GRIP1: variants seen among roughly 807,000 people sequenced by gnomAD.
GRIP1 encodes the protein glutamate receptor interacting protein 1.
Under a neutral mutation model 129.9 loss-of-function variants are expected in GRIP1, and 45 were observed. The ratio of observed to expected loss-of-function variants is 0.35; its 90% CI spans 0.27 to 0.44. GRIP1 has a LOEUF of 0.44. Among genes scored for constraint, GRIP1 ranks in the 20% least tolerant of loss-of-function variants. The pLI, the probability that GRIP1 is intolerant of heterozygous loss-of-function variation, is 1.00. For missense variants in GRIP1, 1,196 were observed against 1,396.8 expected, an observed-to-expected ratio of 0.86 and a Z score of 2.29; for synonymous variants, 530 against 520.8, an observed-to-expected ratio of 1.02 and a Z score of -0.24.
At chr12:66,763,970 AGCCT>A (rs1259395868) in intron 1 of GRIP1, among the ~76,000 whole-genome samples, 1 of 152,220 alleles carries the variant, frequency 6.6e-6, no homozygotes, top group Non-Finnish European at 1.5e-5. Flanking sequence ...AGGCAAATGC[AGCCT>A]GCCATGGACA....
At chr12:66,992,153 C>T (rs1286058901) in intron 1 of GRIP1, among the ~76,000 whole-genome samples, 1 of 151,854 alleles carries the variant, frequency 6.6e-6, no homozygotes, top group Non-Finnish European at 1.5e-5. Context: ...GAAACAATTG[C>T]AAAAAATTAA....
At chr12:67,000,306 C>T (rs1197496910) in intron 1 of GRIP1, among the ~76,000 whole-genome samples, 1 of 151,886 alleles carries the variant, frequency 6.6e-6, no homozygotes, top group African/African-American at 2.4e-5. Flanking sequence ...TCAAAGAATA[C>T]CATGTTTCTA....
intron 1 of GRIP1, among the ~76,000 whole-genome samples, chr12:66,920,461 T>C (rs1162368609): frequency 4.6e-5 from 7 of 152,178 alleles, no homozygotes. Flanking sequence ...TTGTGAGAGA[T>C]ACGATGACAA....
In GRIP1 at chr12:66,528,339, G is replaced by A. The variant is rs189785094; in HGVS notation, c.502+1492C>T. Among the ~76,000 whole-genome samples, 87 of 152,030 alleles carry A rather than the reference G, an allele frequency of 5.7e-4. 2 individuals are homozygous for A. The highest frequency in any genetic ancestry group is 3.4e-3 in the Middle Eastern group (1 of 294). ...TTTTCAGTAGAGATGGGGTTTCACC[G>A]TGTTAGCCAGGATGGTCTCGATCTC... On this transcript the variant is annotated intron_variant, in intron 5 of 24. Coordinates refer to ENST00000359742, the MANE Select transcript of GRIP1 (RefSeq NM_001366722.1).
At chr12:66,501,525 A>T (rs534303740) in intron 7 of GRIP1, among the ~76,000 whole-genome samples, 1 of 152,304 alleles carries the variant, frequency 6.6e-6, no homozygotes, top group East Asian at 1.9e-4. Flanking sequence ...TTAGTACTTA[A>T]TAGCACTCTA....
At chr12:66,535,545 A>G (rs954331128) in intron 4 of GRIP1, among the ~76,000 whole-genome samples, 2 of 152,232 alleles carry the variant, frequency 1.3e-5, no homozygotes, top group Admixed American at 6.5e-5. Context: ...GAAGGCTCAG[A>G]GAATTTAAAT....
At chr12:67,059,320 G>A (rs2043491701) in intron 1 of GRIP1, among the ~76,000 whole-genome samples, 1 of 152,236 alleles carries the variant, frequency 6.6e-6, no homozygotes, top group African/African-American at 2.4e-5. Flanking sequence ...TGAGGTCCAG[G>A]AAGTCCAAAT....
At chr12:66,468,812 TAAG>T (rs2059359010) in intron 7 of GRIP1, among the ~76,000 whole-genome samples, 1 of 152,130 alleles carries the variant, frequency 6.6e-6, no homozygotes, top group Non-Finnish European at 1.5e-5. Context: ...GTAGGAGTAT[TAAG>T]AAGCTTAGGA....
chr12:66,766,155 C>T (rs556877291), intron 1 of GRIP1, among the ~76,000 whole-genome samples: 1 of 152,164 alleles, frequency 6.6e-6, no homozygotes, highest in Non-Finnish European at 1.5e-5. Flanking sequence ...GAAACACTAG[C>T]CCCATGAAAA....
chr12:66,983,679 C>A (rs757838827), intron 1 of GRIP1, among the ~76,000 whole-genome samples: 3 of 152,014 alleles, frequency 2.0e-5, no homozygotes, highest in African/African-American at 7.2e-5. Context: ...TCTATGTTTT[C>A]GAAATAATTC....
intron 1 of GRIP1, among the ~76,000 whole-genome samples, chr12:67,056,630 T>TA (rs1413918371): frequency 6.6e-6 from 1 of 152,138 alleles, no homozygotes; most frequent in Non-Finnish European, 1.5e-5. Flanking sequence ...GGAGGAGACA[T>TA]AGACACTCAA....
At chr12:67,052,018 C>G (rs1236831236) in intron 1 of GRIP1, among the ~76,000 whole-genome samples, 1 of 152,112 alleles carries the variant, frequency 6.6e-6, no homozygotes, top group Non-Finnish European at 1.5e-5. Context: ...CAGGCTGAAC[C>G]ACATATCAGT....
intron 1 of GRIP1, among the ~76,000 whole-genome samples, chr12:66,784,740 C>T (rs762765720): frequency 6.6e-5 from 10 of 152,168 alleles, no homozygotes; most frequent in Non-Finnish European, 1.2e-4. Context: ...AAGAGTCACA[C>T]AAAGCATACT....
chr12:66,970,900 A>C (rs1043400467), intron 1 of GRIP1, among the ~76,000 whole-genome samples: 2 of 152,096 alleles, frequency 1.3e-5, no homozygotes, highest in African/African-American at 4.8e-5. Context: ...TTGGAGAGTA[A>C]GTCTTTATCA....
chr12:66,592,690 T>C (rs1361452890), intron 2 of GRIP1, among the ~76,000 whole-genome samples: 1 of 152,170 alleles, frequency 6.6e-6, no homozygotes, highest in Non-Finnish European at 1.5e-5. Context: ...GTATCCTGTC[T>C]TCCCTTCACA....
At chr12:66,828,703 C>T (rs1045246819) in intron 1 of GRIP1, among the ~76,000 whole-genome samples, 10 of 152,176 alleles carry the variant, frequency 6.6e-5, no homozygotes, top group Non-Finnish European at 1.2e-4. Context: ...CAAAATTCAG[C>T]TCCAACTCCT....
chr12:66,777,982 G>T (rs566224482), intron 1 of GRIP1, among the ~76,000 whole-genome samples: 4 of 152,020 alleles, frequency 2.6e-5, no homozygotes, highest in Admixed American at 2.0e-4. Flanking sequence ...CTTGAAACAC[G>T]CTAGTCCACA....
intron 1 of GRIP1, among the ~76,000 whole-genome samples, chr12:66,942,304 C>T (rs116218552): frequency 0.014 from 2,057 of 151,260 alleles, 40 homozygotes; most frequent in African/African-American, 0.046. Flanking sequence ...TTTTTCCTGG[C>T]TGCCCAGTGT....
At position 66,445,484 on chromosome 12, in the gene GRIP1, C is replaced by T. The variant is rs756714022; in HGVS notation, c.1379G>A (p.Gly460Glu). The change falls in exon 12 of 25, where the codon GGA becomes GAA. Residue 460 changes from glycine to glutamate, a missense_variant. This residue lies in a region of GRIP1 where 508 missense variants were observed against 587.0 expected (regional missense o/e 0.87). Transcript: ENST00000359742. ...TGTGTGAACAACCTGCCCAGCCAAT[C>T]CTACTGTGCTGGAGGCTAAGGACAC... is the stretch of plus-strand genomic sequence containing the variant. ...SSLSLASSTV[G>E]LAGQVVHTET... 1.9e-6 allele frequency: 3 copies of T among 1,613,754 alleles called. No homozygotes were observed. Among genetic ancestry groups the T allele is most frequent in the East Asian group, 2.2e-5 (1 of 44,890 alleles).
Sources: gnomAD v4.1 joint callset for allele counts (sites outside exome capture counted in the v4.1 genomes callset) on GRCh38, gnomAD v4.1.1 for gene constraint, gnomAD v4.1.1 regional missense constraint, MANE v1.5 for transcripts, NCBI Gene and HGNC (gene_info 2026-07-23, HGNC 2026-07-21) for gene names.